The following MOK variants were observed in gnomAD, a reference collection of about 807,000 sequenced individuals.
The protein encoded by MOK is MAPK/MAK/MRK overlapping kinase.
MOK carries 59 observed loss-of-function variants against 54.2 expected under a neutral mutation model. That is an observed-to-expected ratio of 1.09 (90% confidence interval 0.88 to 1.35). The LOEUF is 1.35. Ranked by LOEUF, MOK falls within the 40% of genes most tolerant of loss-of-function variation. The pLI is 0.00. For synonymous variants in MOK, 210 were observed against 202.7 expected (o/e 1.04, Z -0.31); for missense variants, 517 against 526.2 (o/e 0.98, Z 0.17).
intron 4 of MOK, among the ~76,000 whole-genome samples, chr14:102,256,198 G>A (rs1279016939): frequency 6.6e-6 from 1 of 151,750 alleles, no homozygotes; most frequent in African/African-American, 2.4e-5. Context: ...CTGGGCTCAA[G>A]CCATCCTCCC....
downstream of MOK, among the ~76,000 whole-genome samples, chr14:102,224,320 G>A (rs1400843453): frequency 5.9e-5 from 9 of 152,056 alleles, no homozygotes; most frequent in African/African-American, 2.2e-4. Flanking sequence ...GATTACAGGC[G>A]TGAGCCACTG....
At chr14:102,237,505 T>C (rs1223929965) in intron 7 of MOK, among the ~76,000 whole-genome samples, 1 of 152,144 alleles carries the variant, frequency 6.6e-6, no homozygotes, top group African/African-American at 2.4e-5. Context: ...TTTTAGAATA[T>C]GGATTCCCAA....
At position 102,245,784 on chromosome 14, in the gene MOK, T is replaced by C. The variant is rs2066049107; in HGVS notation, c.590+5028A>G. ...CGTGTGTGACACTTACAACCCCTAC[T>C]GCAGCCAAACTCTCAGGACATACCC... On this transcript the variant is annotated intron_variant, in intron 7 of 11. Transcript: ENST00000361847. The surrounding 1 kb of genome is among the most constrained non-coding windows in gnomAD (Gnocchi z 4.3). Among the ~76,000 whole-genome samples, 1 of 152,120 alleles carries C rather than the reference T, an allele frequency of 6.6e-6. No individual in the cohort carries two copies. Among genetic ancestry groups the C allele is most frequent in the Non-Finnish European group, 1.5e-5 (1 of 68,020 alleles).
chr14:102,231,984 A>G lies in MOK; in HGVS notation c.867-163T>C. On this transcript the variant is annotated intron_variant, in intron 9 of 11. Transcript: ENST00000361847. The surrounding 1 kb of genome is among the most constrained non-coding windows in gnomAD (Gnocchi z 4.4). ...AGCCTTTTTTTTTCTTTTCTGTCTC[A>G]GCCTGACAGTCTCTGGGCCAGGAAC... The G allele has an allele frequency of 1.8e-6, 1 of 560,982 alleles. No individual in the cohort carries two copies. Among genetic ancestry groups the G allele is most frequent in the Non-Finnish European group, 3.1e-6 (1 of 321,452 alleles). The allele number at this position is 560,982 out of a possible 1,614,324, so 34.8% of individuals were successfully genotyped here.
intron 4 of MOK, among the ~76,000 whole-genome samples, chr14:102,252,451 G>C (rs113678563): frequency 6.7e-6 from 1 of 149,720 alleles, no homozygotes; most frequent in Admixed American, 6.6e-5. Context: ...GCAAAACTCC[G>C]TCCAAAAAAA....
Position 102,265,690 on chromosome 14 carries a change from G to A in MOK, c.212+133C>T, listed in dbSNP as rs1373052553. 2.7e-4 allele frequency: 173 copies of A among 636,330 alleles called. 1 individual carries two copies. The East Asian group carries it at 4.7e-3, about 17-fold the overall frequency. The allele number at this position is 636,330 out of a possible 1,614,324, so 39.4% of individuals were successfully genotyped here. On this transcript the variant is annotated intron_variant, in intron 3 of 11. Coordinates refer to ENST00000361847, the MANE Select transcript of MOK (RefSeq NM_014226.3). The stretch of plus-strand genomic sequence containing the variant: ...ACATTTTTCCAAATAAAAATGTGAT[G>A]TAAGATGAAGTAAAAATGGTTACTC...
downstream of MOK, chr14:102,228,706 A>AG (rs2064360842): frequency 6.6e-6 from 1 of 151,958 alleles, no homozygotes; most frequent in South Asian, 2.1e-4. Context: ...TCAAAAAAAA[A>AG]AAAAAAAAAA....
intron 7 of MOK, among the ~76,000 whole-genome samples, chr14:102,234,321 C>G (rs2065022002): frequency 1.3e-5 from 2 of 151,884 alleles, no homozygotes; most frequent in Non-Finnish European, 2.9e-5. Context: ...TGCCAAAGAC[C>G]CAGACAATCT....
At chr14:102,268,220 C>T (rs1427848274) in intron 2 of MOK, among the ~76,000 whole-genome samples, 4 of 152,128 alleles carry the variant, frequency 2.6e-5, no homozygotes, top group African/African-American at 4.8e-5. Context: ...TTTCATGTCT[C>T]CACAGGCATT....
intron 2 of MOK, among the ~76,000 whole-genome samples, chr14:102,277,906 G>C (rs1036648392): frequency 4.6e-5 from 7 of 152,178 alleles, no homozygotes; most frequent in Non-Finnish European, 1.0e-4. Context: ...TTGCATGTTT[G>C]TGTCCTCTAA....
At chr14:102,224,740 G>C (rs541010892), downstream of MOK, 4 of 455,928 alleles carry the variant, frequency 8.8e-6, no homozygotes, top group Non-Finnish European at 1.8e-5. Flanking sequence ...TGCCCCACTC[G>C]AAGGCGCCAG....
chr14:102,275,194 G>T (rs2068742607), intron 2 of MOK, among the ~76,000 whole-genome samples: 1 of 152,096 alleles, frequency 6.6e-6, no homozygotes, highest in South Asian at 2.1e-4. Context: ...AACAAATGAT[G>T]CTGGAACAAC....
intron 3 of MOK, chr14:102,264,641 A>G (rs1299695309): frequency 6.6e-6 from 1 of 152,264 alleles, no homozygotes. Flanking sequence ...AGACTATTAC[A>G]TACAAACTGC....
chr14:102,218,396 C>G, the MOK span, among the ~76,000 whole-genome samples: 20 of 152,316 alleles, frequency 1.3e-4, no homozygotes, highest in African/African-American at 4.8e-4. Flanking sequence ...GCTAGGAGAC[C>G]GTCCAGGCCT....
rs2067338408 is a variant in MOK at position 102,260,950 on chromosome 14, G to A, written c.283+2596C>T. The stretch of plus-strand genomic sequence containing the variant: ...ATCCTGGCTAACAAGGTGAAACCCC[G>A]TCTCTACTAAAAATACAAAACAATT... On this transcript the variant is annotated intron_variant, in intron 4 of 11. Transcript: ENST00000361847. Among the ~76,000 whole-genome samples the A allele has an allele frequency of 4.0e-5, 6 of 151,710 alleles. No homozygotes were observed. In the South Asian group the frequency reaches 6.2e-4, roughly 16 times the overall value.
chr14:102,217,959 G>A, the MOK span, among the ~76,000 whole-genome samples: 1 of 152,234 alleles, frequency 6.6e-6, no homozygotes, highest in African/African-American at 2.4e-5. Flanking sequence ...AGCCTCAGGG[G>A]CTACGTGCAG....
In MOK at chr14:102,232,917, C is replaced by A; in HGVS notation, c.693-209G>T. 2.3e-6 allele frequency: 1 copy of A among 426,842 alleles called. No homozygotes were observed. The highest frequency in any genetic ancestry group is 4.1e-6 in the Non-Finnish European group (1 of 241,890). The allele number at this position is 426,842 out of a possible 1,614,324, so 26.4% of individuals were successfully genotyped here. ...TAGTAATGAGATATCCACGGTTCAT[C>A]GACCATAATAAACACACCACTCGAG... On this transcript the variant is annotated intron_variant, in intron 8 of 11. Transcript: ENST00000361847. The surrounding 1 kb of genome is among the most constrained non-coding windows in gnomAD (Gnocchi z 5.1).
intron 7 of MOK, chr14:102,247,332 A>T (rs185779535): frequency 6.6e-6 from 1 of 152,342 alleles, no homozygotes; most frequent in Admixed American, 6.5e-5. Context: ...AAGCCAAGGC[A>T]TACTTTTCCT....
chr14:102,217,670 C>T, the MOK span, among the ~76,000 whole-genome samples: 47 of 152,222 alleles, frequency 3.1e-4, no homozygotes, highest in Non-Finnish European at 1.2e-4. Context: ...AGACTGGCTT[C>T]GGGTGCCGTG....
Sources: allele counts gnomAD v4.1 joint callset (sites outside exome capture counted in the v4.1 genomes callset), GRCh38; gene constraint gnomAD v4.1.1; non-coding constraint Gnocchi (gnomAD v3.1); transcripts MANE v1.5; gene names NCBI Gene and HGNC (gene_info 2026-07-23, HGNC 2026-07-21).